EXOC2: variants seen among roughly 807,000 people sequenced by gnomAD.
The protein encoded by EXOC2 is SEC5-like 1.
A neutral mutation model predicts 131.8 loss-of-function variants in EXOC2; 70 were observed. The observed-to-expected ratio is 0.53, with a 90% CI of 0.44 to 0.65. The LOEUF (loss-of-function observed/expected upper bound fraction) is 0.65, where lower values mean the gene tolerates loss of function less well. Ranked by LOEUF, EXOC2 falls within the 30% of genes least tolerant of loss-of-function variation. EXOC2 has a pLI of 0.00. For missense variants in EXOC2, 923 were observed against 1,108.6 expected, an observed-to-expected ratio of 0.83 and a Z score of 2.38; for synonymous variants, 411 against 398.4, an observed-to-expected ratio of 1.03 and a Z score of -0.38.
intron 23 of EXOC2, among the ~76,000 whole-genome samples, chr6:516,701 T>A (rs1002266306): frequency 1.2e-4 from 18 of 152,228 alleles, no homozygotes; most frequent in African/African-American, 4.3e-4. Context: ...TACGCAAGTA[T>A]CTGTCACTAT....
chr6:564,438 A>T, intron 15 of EXOC2, 107 bp downstream of exon 15: 3 of 1,464,690 alleles, frequency 2.0e-6, no homozygotes, highest in Non-Finnish European at 2.8e-6. Flanking sequence ...GCAAAAGGAC[A>T]AAAAGAAGAA....
chr6:650,941 T>C (rs1335400232), intron 1 of EXOC2, among the ~76,000 whole-genome samples: 1 of 152,084 alleles, frequency 6.6e-6, no homozygotes, highest in African/African-American at 2.4e-5. Context: ...TTGGAAGAGA[T>C]GCCTGAAACA....
chr6:586,339 C>T (rs1759206422), intron 11 of EXOC2, among the ~76,000 whole-genome samples: 1 of 152,196 alleles, frequency 6.6e-6, no homozygotes, highest in South Asian at 2.1e-4. Context: ...CACTGCGGGC[C>T]TTCCCAGGGA....
chr6:651,888 T>C (rs1307106721), intron 1 of EXOC2, among the ~76,000 whole-genome samples: 1 of 151,562 alleles, frequency 6.6e-6, no homozygotes, highest in African/African-American at 2.4e-5. Context: ...AAACCCCACC[T>C]CTACTAAAAA....
chr6:553,325 A>T (rs1757243658), intron 21 of EXOC2, among the ~76,000 whole-genome samples: 1 of 152,140 alleles, frequency 6.6e-6, no homozygotes, highest in South Asian at 2.1e-4. Flanking sequence ...TATACATTTT[A>T]AAAAGTGTGT....
chr6:587,049 T>C (rs2127617783), intron 11 of EXOC2, among the ~76,000 whole-genome samples: 1 of 152,312 alleles, frequency 6.6e-6, no homozygotes. Context: ...TTACCTTACA[T>C]TTATATTATA....
At chr6:626,822 A>T (rs1013611321) in intron 4 of EXOC2, among the ~76,000 whole-genome samples, 2 of 151,908 alleles carry the variant, frequency 1.3e-5, no homozygotes, top group Non-Finnish European at 1.5e-5. Context: ...CAAACTCCTG[A>T]CCTCAAGTGA....
chr6:556,577 C>T lies in EXOC2; in HGVS notation c.1852-13G>A, dbSNP rs753912939. 6 of 1,613,938 alleles carry T rather than the reference C, an allele frequency of 3.7e-6. No individual in the cohort carries two copies. Among genetic ancestry groups the T allele is most frequent in the Non-Finnish European group, 5.1e-6 (6 of 1,179,942 alleles). The stretch of plus-strand genomic sequence containing the variant: ...CAAACTGACATGGCTGAAGGGAAAA[C>T]AGCATATTGTAAAACTCAAAAATGA... On this transcript the variant is annotated splice_polypyrimidine_tract_variant and intron_variant, in intron 17 of 27. Transcript: ENST00000230449.
intron 1 of EXOC2, among the ~76,000 whole-genome samples, chr6:653,756 T>C (rs887309045): frequency 2.0e-5 from 3 of 152,246 alleles, no homozygotes; most frequent in African/African-American, 4.8e-5. Context: ...CACATTTTCA[T>C]TGAAGACAAA....
intron 1 of EXOC2, among the ~76,000 whole-genome samples, chr6:680,742 G>T (rs1042034867): frequency 6.6e-6 from 1 of 152,136 alleles, no homozygotes; most frequent in African/African-American, 2.4e-5. Flanking sequence ...TTAAGAAAGT[G>T]ATTATAACAA....
intron 10 of EXOC2, among the ~76,000 whole-genome samples, chr6:595,841 G>A (rs369237970): frequency 3.3e-5 from 5 of 152,072 alleles, no homozygotes; most frequent in Non-Finnish European, 5.9e-5. Flanking sequence ...CAACTCTGTC[G>A]CTTTCTAGGT....
chr6:592,556 G>A lies in EXOC2; in HGVS notation c.1105C>T (p.Pro369Ser). ...YLSDLHASGD[P>S]AWQCIGAQHK... The stretch of plus-strand genomic sequence containing the variant: ...TGGGCTCCAATGCATTGCCAAGCAG[G>A]GTCACCAGACGCATGAAGGTCAGAC... Residue 369 changes from proline (P) to serine (S), a missense_variant, in exon 11 of 28, where the codon CCT (proline) becomes TCT (serine). By Grantham distance (74) the Pro-to-Ser change is moderately conservative. Coordinates refer to ENST00000230449, the MANE Select transcript of EXOC2 (RefSeq NM_018303.6). The A allele has an allele frequency of 6.2e-7, 1 of 1,614,034 alleles. No individual in the cohort carries two copies. Among genetic ancestry groups the A allele is most frequent in the African/African-American group, 1.3e-5 (1 of 75,016 alleles).
intron 1 of EXOC2, among the ~76,000 whole-genome samples, chr6:690,313 G>A (rs1322167775): frequency 1.3e-5 from 2 of 152,154 alleles, no homozygotes; most frequent in South Asian, 4.1e-4. Context: ...TTGTGACTGT[G>A]CCACTGCACT....
intron 26 of EXOC2, among the ~76,000 whole-genome samples, chr6:489,955 G>A (rs1763326798): frequency 6.6e-6 from 1 of 152,212 alleles, no homozygotes; most frequent in Non-Finnish European, 1.5e-5. Context: ...AGGGCGCGGT[G>A]GGGTGTGGGA....
At chr6:595,841 G>T (rs369237970) in intron 10 of EXOC2, among the ~76,000 whole-genome samples, 1 of 152,190 alleles carries the variant, frequency 6.6e-6, no homozygotes, top group East Asian at 1.9e-4. Context: ...CAACTCTGTC[G>T]CTTTCTAGGT....
chr6:633,098 A>G lies in EXOC2; in HGVS notation c.138T>C (p.His46=). Reference sequence around the variant, plus strand: ...TCCATTCTGCCGTCAGGAGGCAATTATGTCCACAAATGGTCAAGCCTGAAA... The same window carrying G: ...TCCATTCTGCCGTCAGGAGGCAATTGTGTCCACAAATGGTCAAGCCTGAAA... ...TDLIGLTICG[H]NCLLTAEWMS... is the part of the protein sequence containing the mutation. Residue 46 remains histidine, a synonymous_variant, in exon 3 of 28, where the codon CAT becomes CAC. Coordinates refer to ENST00000230449, the MANE Select transcript of EXOC2 (RefSeq NM_018303.6). The G allele has an allele frequency of 6.2e-7, 1 of 1,613,394 alleles. No individual in the cohort carries two copies. Among genetic ancestry groups the G allele is most frequent in the Non-Finnish European group, 8.5e-7 (1 of 1,180,002 alleles).
At chr6:656,566 T>TG (rs747921732) in intron 1 of EXOC2, 11 of 1,592,656 alleles carry the variant, frequency 6.9e-6, no homozygotes, top group Non-Finnish European at 9.4e-6. Context: ...TGCACCACGC[T>TG]GCGAGCGCGG....
intron 4 of EXOC2, among the ~76,000 whole-genome samples, chr6:619,801 A>G (rs373374819): frequency 6.6e-6 from 1 of 152,232 alleles, no homozygotes. Flanking sequence ...TTACATCAAT[A>G]AAAGAATATA....
chr6:628,480 A>G (rs1157244602), intron 4 of EXOC2, among the ~76,000 whole-genome samples: 2 of 152,234 alleles, frequency 1.3e-5, no homozygotes, highest in African/African-American at 4.8e-5. Flanking sequence ...GTGGGGAGGT[A>G]GAGAGAACAG....
Sources: gnomAD v4.1 joint callset for allele counts (sites outside exome capture counted in the v4.1 genomes callset) on GRCh38, gnomAD v4.1.1 for gene constraint, MANE v1.5 for transcripts, NCBI Gene and HGNC (gene_info 2026-07-23, HGNC 2026-07-21) for gene names.